Variants in PRKD1 observed in about 807,000 individuals in gnomAD.
The protein encoded by PRKD1 is serine/threonine-protein kinase D1.
PRKD1 carries 63 observed loss-of-function variants against 95.9 expected under a neutral mutation model. That is an observed-to-expected ratio of 0.66 (90% CI 0.54 to 0.81). The LOEUF (loss-of-function observed/expected upper bound fraction) is 0.81. Among genes scored for constraint, PRKD1 ranks in the 30% least tolerant of loss-of-function variants. PRKD1 has a pLI of 0.00. For synonymous variants in PRKD1, 425 were observed against 423.1 expected (o/e 1.00, Z -0.05); for missense variants, 1,048 against 1,165.3 (o/e 0.90, Z 1.47).
At chr14:29,638,367 T>G (rs1880516840) in intron 6 of PRKD1, 122 bp downstream of exon 6, 2 of 940,940 alleles carry the variant, frequency 2.1e-6, no homozygotes. Context: ...GGCCATAATT[T>G]ACTTTAGACT....
At chr14:29,898,633 C>T (rs1371470885) in intron 1 of PRKD1, among the ~76,000 whole-genome samples, 1 of 152,078 alleles carries the variant, frequency 6.6e-6, no homozygotes, top group East Asian at 1.9e-4. Flanking sequence ...CTTCAAACAC[C>T]ACTAGATTGA....
chr14:29,615,642 C>T (rs182825571), intron 13 of PRKD1, among the ~76,000 whole-genome samples: 15 of 152,300 alleles, frequency 9.8e-5, no homozygotes, highest in African/African-American at 3.4e-4. Flanking sequence ...TGTGCTTCCA[C>T]AGCGATTCTG....
chr14:29,895,469 C>T (rs1184532999), intron 1 of PRKD1, among the ~76,000 whole-genome samples: 1 of 152,142 alleles, frequency 6.6e-6, no homozygotes, highest in African/African-American at 2.4e-5. Flanking sequence ...CCCACTCTCA[C>T]CGCCACTCTA....
intron 2 of PRKD1, among the ~76,000 whole-genome samples, chr14:29,695,878 A>G (rs1339533811): frequency 6.6e-6 from 1 of 152,208 alleles, no homozygotes; most frequent in Non-Finnish European, 1.5e-5. Flanking sequence ...ATAAATGTAA[A>G]ATGGAAATAT....
chr14:29,764,810 C>A (rs933608719), intron 1 of PRKD1, among the ~76,000 whole-genome samples: 1 of 152,248 alleles, frequency 6.6e-6, no homozygotes, highest in South Asian at 2.1e-4. Context: ...ACTGCATTTG[C>A]CAATTCTGAC....
At chr14:29,715,477 T>C (rs906853518) in intron 2 of PRKD1, among the ~76,000 whole-genome samples, 5 of 152,118 alleles carry the variant, frequency 3.3e-5, no homozygotes, top group African/African-American at 1.2e-4. Context: ...CACAATGAAC[T>C]GTGCAGACCT....
chr14:29,890,531 G>A lies in PRKD1; in HGVS notation c.264+36718C>T, dbSNP rs192870088. On this transcript the variant is annotated intron_variant, in intron 1 of 17. Transcript: ENST00000331968. Reference sequence around the variant, plus strand: ...TAGATAGATAGATACATAGATAGACGGAACTCCTGACTCAATATAGAGAAT... The same window carrying A: ...TAGATAGATAGATACATAGATAGACAGAACTCCTGACTCAATATAGAGAAT... Among the ~76,000 whole-genome samples, 430 of 152,164 alleles carry A rather than the reference G, an allele frequency of 2.8e-3. 3 individuals carry two copies. Among genetic ancestry groups the A allele is most frequent in the Middle Eastern group, 0.017 (5 of 294 alleles).
chr14:29,848,836 G>A (rs1189667850), intron 1 of PRKD1, among the ~76,000 whole-genome samples: 2 of 152,162 alleles, frequency 1.3e-5, no homozygotes, highest in African/African-American at 4.8e-5. Flanking sequence ...TGTAGATAAA[G>A]TCAATAAAAT....
At chr14:29,629,437 G>T (rs898143411) in intron 10 of PRKD1, among the ~76,000 whole-genome samples, 1 of 152,234 alleles carries the variant, frequency 6.6e-6, no homozygotes, top group African/African-American at 2.4e-5. Flanking sequence ...CAGGCAAATC[G>T]TTAAAGTCTA....
chr14:29,865,848 A>T (rs1892879283), intron 1 of PRKD1, among the ~76,000 whole-genome samples: 1 of 152,146 alleles, frequency 6.6e-6, no homozygotes. Context: ...TTCTCTCCAG[A>T]TTACCTATAA....
At chr14:29,805,107 G>C (rs747620395) in intron 1 of PRKD1, among the ~76,000 whole-genome samples, 10 of 152,154 alleles carry the variant, frequency 6.6e-5, no homozygotes, top group Non-Finnish European at 1.5e-4. Flanking sequence ...TTAGACTATA[G>C]ATTATCATAC....
At chr14:29,816,874 T>C (rs1311393694) in intron 1 of PRKD1, among the ~76,000 whole-genome samples, 5 of 152,194 alleles carry the variant, frequency 3.3e-5, no homozygotes, top group Non-Finnish European at 5.9e-5. Flanking sequence ...TAAGAGACCA[T>C]ATTTTCTCTG....
chr14:29,728,772 C>T (rs996215514), intron 1 of PRKD1, among the ~76,000 whole-genome samples: 10 of 152,030 alleles, frequency 6.6e-5, no homozygotes, highest in African/African-American at 1.2e-4. Context: ...TACATGCTTC[C>T]GTTTCTTGTG....
At chr14:29,598,384 G>C (rs1475947434) in intron 15 of PRKD1, among the ~76,000 whole-genome samples, 1 of 151,836 alleles carries the variant, frequency 6.6e-6, no homozygotes, top group Non-Finnish European at 1.5e-5. Context: ...CAAATATGAA[G>C]ACAAGTGTAC....
At chr14:29,926,135 A>C (rs935060853) in intron 1 of PRKD1, among the ~76,000 whole-genome samples, 1 of 152,206 alleles carries the variant, frequency 6.6e-6, no homozygotes, top group African/African-American at 2.4e-5. Context: ...GGAGCTTTTA[A>C]CATTCCTGTG....
intron 2 of PRKD1, among the ~76,000 whole-genome samples, chr14:29,701,006 A>C (rs767529789): frequency 5.3e-4 from 27 of 50,668 alleles, no homozygotes; most frequent in Non-Finnish European, 9.2e-4. Context: ...ACACACACAC[A>C]CCCTGTTGTG....
At chr14:29,748,361 A>C (rs941939934) in intron 1 of PRKD1, among the ~76,000 whole-genome samples, 11 of 152,230 alleles carry the variant, frequency 7.2e-5, no homozygotes, top group African/African-American at 2.7e-4. Context: ...AGTCTTTTCA[A>C]ATCACATAAG....
intron 1 of PRKD1, among the ~76,000 whole-genome samples, chr14:29,795,774 GACATTT>G (rs1461315460): frequency 6.6e-6 from 1 of 152,016 alleles, no homozygotes; most frequent in African/African-American, 2.4e-5. Flanking sequence ...AAATTTTTTG[GACATTT>G]TCATGCCCAA....
chr14:29,832,982 T>G (rs2810043), intron 1 of PRKD1, among the ~76,000 whole-genome samples: 1 of 151,898 alleles, frequency 6.6e-6, no homozygotes, highest in Non-Finnish European at 1.5e-5. Context: ...GTAACCTCCA[T>G]AGTAACACTT....
Sources: gnomAD v4.1 joint callset for allele counts (sites outside exome capture counted in the v4.1 genomes callset) on GRCh38, gnomAD v4.1.1 for gene constraint, MANE v1.5 for transcripts, NCBI Gene and HGNC (gene_info 2026-07-23, HGNC 2026-07-21) for gene names.